Variants in ARHGEF18 observed in about 807,000 individuals in gnomAD.
ARHGEF18 encodes the protein Rho/Rac guanine nucleotide exchange factor 18, also known as rho guanine nucleotide exchange factor 18.
Under a neutral mutation model 155.7 loss-of-function variants are expected in ARHGEF18, and 93 were observed. That is an observed-to-expected ratio of 0.60 (90% CI 0.50 to 0.71). The LOEUF is 0.71. Ranked by LOEUF, ARHGEF18 falls within the 30% of genes least tolerant of loss-of-function variation. The pLI, the probability that ARHGEF18 is intolerant of heterozygous loss-of-function variation, is 0.00. For missense variants in ARHGEF18, 1,593 were observed against 1,816.1 expected, an observed-to-expected ratio of 0.88 and a Z score of 2.23; for synonymous variants, 742 against 753.1, an observed-to-expected ratio of 0.99 and a Z score of 0.24.
chr19:7,425,442 G>A (rs1184385346), intron 10 of ARHGEF18, among the ~76,000 whole-genome samples: 3 of 152,190 alleles, frequency 2.0e-5, no homozygotes, highest in Non-Finnish European at 2.9e-5. Flanking sequence ...CCAGCAATTG[G>A]AGAGGGTGAG....
At chr19:7,437,362 C>T (rs912917410) in intron 10 of ARHGEF18, among the ~76,000 whole-genome samples, 4 of 148,990 alleles carry the variant, frequency 2.7e-5, no homozygotes, top group Non-Finnish European at 4.4e-5. Flanking sequence ...GCAGAGGTTG[C>T]GGTGAGCTGA....
chr19:7,424,522 A>T (rs1282865241), intron 10 of ARHGEF18, among the ~76,000 whole-genome samples: 4 of 152,208 alleles, frequency 2.6e-5, no homozygotes, highest in Non-Finnish European at 4.4e-5. Context: ...GATTAAAGCG[A>T]TACTTACAAA....
At chr19:7,386,383 C>G (rs1203475593) in intron 10 of ARHGEF18, among the ~76,000 whole-genome samples, 1 of 151,888 alleles carries the variant, frequency 6.6e-6, no homozygotes, top group Admixed American at 6.6e-5. Context: ...AAGCATCCAT[C>G]GTCTTCACCC....
intron 10 of ARHGEF18, among the ~76,000 whole-genome samples, chr19:7,415,397 GC>G (rs1972945860): frequency 6.6e-6 from 1 of 151,494 alleles, no homozygotes; most frequent in South Asian, 2.1e-4. Flanking sequence ...TCTCCACCCT[GC>G]CCTCGAGGTC....
At chr19:7,373,834 C>T (rs1172828163) in intron 3 of ARHGEF18, among the ~76,000 whole-genome samples, 5 of 148,582 alleles carry the variant, frequency 3.4e-5, no homozygotes, top group Non-Finnish European at 7.4e-5. Context: ...CAATACAGTT[C>T]CCGCTCCTAT....
Position 7,446,861 on chromosome 19 carries a change from T to A in ARHGEF18, c.1612-182T>A, listed in dbSNP as rs535689332. On this transcript the variant is annotated intron_variant, in intron 14 of 28. Coordinates refer to ENST00000668164, the MANE Select transcript of ARHGEF18 (RefSeq NM_001367823.1). Reference sequence around the variant, plus strand: ...CAGTGAGCCAAGATCGCGCCATTGCTCTTTAGCCTGAGCCACAGAGCAAGA... The same window carrying A: ...CAGTGAGCCAAGATCGCGCCATTGCACTTTAGCCTGAGCCACAGAGCAAGA... Among the ~76,000 whole-genome samples, 178 of 144,688 alleles carry A rather than the reference T, an allele frequency of 1.2e-3. 1 individual carries two copies. Among genetic ancestry groups the A allele is most frequent in the African/African-American group, 4.5e-3 (174 of 38,300 alleles). The allele number at this position is 144,688 out of a possible 152,430, so 94.9% of individuals were successfully genotyped here.
intron 15 of ARHGEF18, among the ~76,000 whole-genome samples, chr19:7,447,478 A>G (rs893817791): frequency 1.5e-5 from 2 of 136,498 alleles, no homozygotes; most frequent in Non-Finnish European, 3.3e-5. Flanking sequence ...CTGGCAACAG[A>G]GCAAGACTCT....
intron 15 of ARHGEF18, among the ~76,000 whole-genome samples, chr19:7,449,256 T>A (rs564880106): frequency 6.6e-6 from 1 of 151,940 alleles, no homozygotes; most frequent in Non-Finnish European, 1.5e-5. Flanking sequence ...CCCCTTTTGG[T>A]TCTTAGCCAG....
At chr19:7,477,656 A>G in the ARHGEF18 span, among the ~76,000 whole-genome samples, 7 of 152,140 alleles carry the variant, frequency 4.6e-5, no homozygotes, top group Non-Finnish European at 5.9e-5. Context: ...CCAAGTCCTC[A>G]AATCCACACC....
rs1397888966 is a variant in ARHGEF18 at position 7,362,026 on chromosome 19, AAGG to A, written c.-110-752_-110-750del. Among the ~76,000 whole-genome samples the A allele has an allele frequency of 1.7e-3, 104 of 60,308 alleles. 9 individuals are homozygous for A. In the East Asian group the frequency reaches 0.03, roughly 17 times the overall value. The allele number at this position is 60,308 out of a possible 152,430, so 39.6% of individuals were successfully genotyped here. On this transcript the variant is annotated intron_variant, in intron 1 of 28. Transcript: ENST00000668164. ...GAAGAAGAAGAAGAAGGAGAAGGAG[AAGG>A]AGAAGGAGAAGGAGAAGGAGAAGGA...
At chr19:7,473,433 G>A, downstream of ARHGEF18, 2 of 388,172 alleles carry the variant, frequency 5.2e-6, no homozygotes, top group Non-Finnish European at 1.0e-5. Context: ...GGAGGCGGGG[G>A]CTGAGGCAGG....
In ARHGEF18 at chr19:7,462,466, GC is replaced by G. The variant is rs112575509; in HGVS notation, c.2635+135del. The G allele has an allele frequency of 1.7e-3, 1,640 of 959,580 alleles. 12 individuals carry two copies. The African/African-American group carries it at 0.026, about 15-fold the overall frequency. 59.4% of individuals were successfully genotyped at this position (959,580 alleles called of 1,614,324 possible). Reference sequence around the variant, plus strand: ...CAGGACAGGCTTCTATGTGGGGGGGGCCCAGGAGCAGCACTGACCGCCCCCC... The same window carrying G: ...CAGGACAGGCTTCTATGTGGGGGGGGCCAGGAGCAGCACTGACCGCCCCCC... On this transcript the variant is annotated intron_variant, in intron 21 of 28. Transcript: ENST00000668164. The surrounding 1 kb of genome is among the most constrained non-coding windows in gnomAD (Gnocchi z 4.4).
At chr19:7,425,828 T>C (rs1973630761) in intron 10 of ARHGEF18, among the ~76,000 whole-genome samples, 1 of 151,560 alleles carries the variant, frequency 6.6e-6, no homozygotes, top group Non-Finnish European at 1.5e-5. Flanking sequence ...AGCAACACCC[T>C]GTCTCTACAA....
chr19:7,368,952 G>T (rs534583449), intron 2 of ARHGEF18, among the ~76,000 whole-genome samples: 6 of 152,294 alleles, frequency 3.9e-5, no homozygotes, highest in Non-Finnish European at 7.3e-5. Context: ...GCAGGGAGAA[G>T]GGAGGGAAAT....
chr19:7,365,781 T>C (rs1969860427), intron 2 of ARHGEF18, among the ~76,000 whole-genome samples: 1 of 152,140 alleles, frequency 6.6e-6, no homozygotes, highest in African/African-American at 2.4e-5. Context: ...CCTGTGAATT[T>C]TGAACCCCAA....
At chr19:7,452,696 C>T (rs893872936) in intron 16 of ARHGEF18, among the ~76,000 whole-genome samples, 5 of 151,626 alleles carry the variant, frequency 3.3e-5, no homozygotes, top group African/African-American at 7.3e-5. Flanking sequence ...GAACTCCCGA[C>T]CTCAGGTGAT....
intron 12 of ARHGEF18, 52 bp from the exon 13 acceptor site, chr19:7,441,860 T>TG: frequency 6.2e-7 from 1 of 1,613,130 alleles, no homozygotes; most frequent in Non-Finnish European, 8.5e-7. Context: ...GGGAGGGAAT[T>TG]GGGGTGGCAT....
At chr19:7,420,514 A>G (rs964105101) in intron 10 of ARHGEF18, among the ~76,000 whole-genome samples, 2 of 152,132 alleles carry the variant, frequency 1.3e-5, no homozygotes, top group Non-Finnish European at 2.9e-5. Context: ...CGGCCTCCCA[A>G]AGTGCTGGGA....
chr19:7,406,029 C>T (rs10417593), intron 10 of ARHGEF18, among the ~76,000 whole-genome samples: 1 of 152,094 alleles, frequency 6.6e-6, no homozygotes, highest in Non-Finnish European at 1.5e-5. Flanking sequence ...TCTTTAGAAC[C>T]AGTTAATTGC....
Sources: gnomAD v4.1 joint callset for allele counts (sites outside exome capture counted in the v4.1 genomes callset) on GRCh38, gnomAD v4.1.1 for gene constraint, Gnocchi (gnomAD v3.1) non-coding constraint, MANE v1.5 for transcripts, NCBI Gene and HGNC (gene_info 2026-07-23, HGNC 2026-07-21) for gene names.